RAP1B: variants seen among roughly 807,000 people sequenced by gnomAD.
The protein encoded by RAP1B is ras-related protein Rap-1b.
A neutral mutation model predicts 27.5 loss-of-function variants in RAP1B; 1 was observed. That is an observed-to-expected ratio of 0.04 (90% CI 0.01 to 0.17). The LOEUF (loss-of-function observed/expected upper bound fraction) is 0.17. Among genes scored for constraint, RAP1B ranks in the 10% least tolerant of loss-of-function variants. RAP1B has a pLI of 1.00. For synonymous variants in RAP1B, 75 were observed against 73.1 expected, an observed-to-expected ratio of 1.03 and a Z score of -0.13; for missense variants, 84 against 214.8, an observed-to-expected ratio of 0.39 and a Z score of 3.81.
intron 1 of RAP1B, among the ~76,000 whole-genome samples, chr12:68,622,201 C>T (rs566304379): frequency 2.0e-5 from 3 of 152,254 alleles, no homozygotes; most frequent in East Asian, 3.9e-4. Flanking sequence ...AAGGTCTTTT[C>T]GGGCTTTCAA....
In RAP1B at chr12:68,670,310, A is replaced by G. The variant is rs893180585; in HGVS notation, c.*11061A>G. On this transcript the variant is annotated 3_prime_UTR_variant, in exon 8 of 8. Transcript: ENST00000250559. ...ACTAACTATCTGTCTAAAGACAATAAAAGTTCAACCCCTATATCATGCAAA... is the reference window on the plus strand; with the variant it reads ...ACTAACTATCTGTCTAAAGACAATAGAAGTTCAACCCCTATATCATGCAAA... The G allele has an allele frequency of 1.3e-5, 2 of 152,206 alleles. No homozygotes were observed. Among genetic ancestry groups the G allele is most frequent in the Non-Finnish European group, 2.9e-5 (2 of 68,040 alleles). 9.4% of individuals were successfully genotyped at this position (152,206 alleles called of 1,614,324 possible).
intron 1 of RAP1B, among the ~76,000 whole-genome samples, chr12:68,623,302 A>G (rs1023434169): frequency 1.3e-5 from 2 of 152,192 alleles, no homozygotes; most frequent in African/African-American, 4.8e-5. Context: ...TAGTTAGAAA[A>G]GACAGTAAAA....
At position 68,666,261 on chromosome 12, in the gene RAP1B, T is replaced by A. The variant is rs559149491; in HGVS notation, c.*7012T>A. On this transcript the variant is annotated 3_prime_UTR_variant, in exon 8 of 8. Transcript: ENST00000250559. ...GTATTTTGGTGCTTTACCCAAAATA[T>A]TAGGGAGAAAATTCTTCTTTTTAAT... is the stretch of plus-strand genomic sequence containing the variant. 6.6e-6 allele frequency: 1 copy of A among 152,354 alleles called. No homozygotes were observed. The highest frequency in any genetic ancestry group is 1.9e-4 in the East Asian group (1 of 5,192). 9.4% of individuals were successfully genotyped at this position (152,354 alleles called of 1,614,324 possible). A position where few individuals can be genotyped will look rare whatever the true frequency, so the allele number is the denominator to read the frequency against.
intron 1 of RAP1B, among the ~76,000 whole-genome samples, chr12:68,639,203 A>T (rs1872826981): frequency 6.6e-6 from 1 of 152,144 alleles, no homozygotes; most frequent in Non-Finnish European, 1.5e-5. Context: ...ACTTGACCAC[A>T]GTCTATGTTA....
Position 68,669,935 on chromosome 12 carries a change from CTTTTTTTTTT to C in RAP1B, c.*10697_*10706del, listed in dbSNP as rs549794675. Reference sequence around the variant, plus strand: ...GACAAAAATATATTTCTTTTTCTTTCTTTTTTTTTTTTTTTTTTTTGAGACAGTTTCCCTC... The same window carrying C: ...GACAAAAATATATTTCTTTTTCTTTCTTTTTTTTTTGAGACAGTTTCCCTC... On this transcript the variant is annotated 3_prime_UTR_variant, in exon 8 of 8. Transcript: ENST00000250559. 3 of 105,394 alleles carry C rather than the reference CTTTTTTTTTT, an allele frequency of 2.8e-5. No individual in the cohort carries two copies. The highest frequency in any genetic ancestry group is 5.4e-5 in the Non-Finnish European group (3 of 55,700). The allele number at this position is 105,394 out of a possible 1,614,324, so 6.5% of individuals were successfully genotyped here.
chr12:68,657,745 C>A (rs1874310127), intron 7 of RAP1B: 1 of 144,634 alleles, frequency 6.9e-6, no homozygotes, highest in South Asian at 2.3e-4. Context: ...CACACACACA[C>A]ACACACACAC....
At chr12:68,646,566 G>A (rs532777058) in intron 1 of RAP1B, among the ~76,000 whole-genome samples, 7 of 152,168 alleles carry the variant, frequency 4.6e-5, no homozygotes, top group African/African-American at 7.2e-5. Flanking sequence ...AGGATTACAG[G>A]TGTGGGCCAC....
chr12:68,635,171 A>C (rs995210085), intron 1 of RAP1B, among the ~76,000 whole-genome samples: 1 of 152,138 alleles, frequency 6.6e-6, no homozygotes, highest in Non-Finnish European at 1.5e-5. Context: ...GTTCCTTGTT[A>C]GAAGTTTTAT....
At chr12:68,640,723 A>G (rs919163369) in intron 1 of RAP1B, among the ~76,000 whole-genome samples, 3 of 152,286 alleles carry the variant, frequency 2.0e-5, no homozygotes, top group South Asian at 4.1e-4. Context: ...TGGATCAGTA[A>G]TATCTACAGT....
In RAP1B at chr12:68,667,108, A is replaced by G. The variant is rs1272765999; in HGVS notation, c.*7859A>G. ...TGATGACAGAAACTTCCCCCCTTTT[A>G]CTTAGATCTAATAGTAATATAACAA... On this transcript the variant is annotated 3_prime_UTR_variant, in exon 8 of 8. Transcript: ENST00000250559. The G allele has an allele frequency of 6.6e-6, 1 of 152,120 alleles. No homozygotes were observed. The highest frequency in any genetic ancestry group is 1.5e-5 in the Non-Finnish European group (1 of 68,018). 9.4% of individuals were successfully genotyped at this position (152,120 alleles called of 1,614,324 possible).
At position 68,654,356 on chromosome 12, in the gene RAP1B, G is replaced by GA. The variant is rs201470977; in HGVS notation, c.324+104_324+105insA. On this transcript the variant is annotated intron_variant, in intron 5 of 7. Transcript: ENST00000250559. ...TAAAGCTTGTGTATTTTGGTTGGGG[G>GA]GGGGGTGTTGGTTTTTTTAAACTTT... 6.9e-4 allele frequency: 312 copies of GA among 453,052 alleles called. 56 individuals carry two copies. The highest frequency in any genetic ancestry group is 5.5e-3 in the South Asian group (121 of 22,188). The allele number at this position is 453,052 out of a possible 1,614,324, so 28.1% of individuals were successfully genotyped here.
rs540010921 is a variant in RAP1B at position 68,669,354 on chromosome 12, A to G, written c.*10105A>G. On this transcript the variant is annotated 3_prime_UTR_variant, in exon 8 of 8. Coordinates refer to ENST00000250559, the MANE Select transcript of RAP1B (RefSeq NM_001010942.3). ...TATAATGATTACAATTTAAATTTCA[A>G]CTGGCTGAGGCTTTGTTTTTGTTTT... is the stretch of plus-strand genomic sequence containing the variant. 1.1e-4 allele frequency: 16 copies of G among 152,174 alleles called. No individual in the cohort carries two copies. The highest frequency in any genetic ancestry group is 1.9e-4 in the Non-Finnish European group (13 of 68,024). 9.4% of individuals were successfully genotyped at this position (152,174 alleles called of 1,614,324 possible). A position where few individuals can be genotyped will look rare whatever the true frequency, so the allele number is the denominator to read the frequency against.
chr12:68,617,044 A>G (rs759284029), intron 1 of RAP1B, among the ~76,000 whole-genome samples: 1 of 152,202 alleles, frequency 6.6e-6, no homozygotes, highest in Non-Finnish European at 1.5e-5. Context: ...GGAAATGGAA[A>G]ATGCTGGGTA....
Position 68,611,694 on chromosome 12 carries a change from C to T in RAP1B, c.-27+651C>T, listed in dbSNP as rs1177916843. 2.0e-5 allele frequency among the ~76,000 whole-genome samples: 3 copies of T among 152,220 alleles called. No homozygotes were observed. The East Asian group carries it at 5.8e-4, about 30-fold the overall frequency. ...AGGAGGAAGGCAGCGGAGAGAGCCC[C>T]ACTTAGTCTGGCAGCAGCCACCGTG... On this transcript the variant is annotated intron_variant, in intron 1 of 7. Coordinates refer to ENST00000250559, the MANE Select transcript of RAP1B (RefSeq NM_001010942.3).
chr12:68,636,578 C>T (rs565791746), intron 1 of RAP1B, among the ~76,000 whole-genome samples: 1 of 152,320 alleles, frequency 6.6e-6, no homozygotes, highest in East Asian at 1.9e-4. Flanking sequence ...TAGGCATGTA[C>T]CACCACACCC....
intron 1 of RAP1B, chr12:68,624,866 G>A (rs1336126536): frequency 6.6e-6 from 1 of 152,218 alleles, no homozygotes; most frequent in Admixed American, 6.5e-5. Flanking sequence ...ATAGTGACAA[G>A]GATTGAAGTA....
In RAP1B at chr12:68,665,822, G is replaced by C. The variant is rs1056256504; in HGVS notation, c.*6573G>C. ...AAAGTCTGTTTCAGAGTCAGTATTG[G>C]CAAACTTATATTTAAATTCAGCTGT... is the stretch of plus-strand genomic sequence containing the variant. On this transcript the variant is annotated 3_prime_UTR_variant, in exon 8 of 8. Coordinates refer to ENST00000250559, the MANE Select transcript of RAP1B (RefSeq NM_001010942.3). The C allele has an allele frequency of 6.6e-6, 1 of 151,750 alleles. No homozygotes were observed. The highest frequency in any genetic ancestry group is 2.4e-5 in the African/African-American group (1 of 41,258). 9.4% of individuals were successfully genotyped at this position (151,750 alleles called of 1,614,324 possible). A position where few individuals can be genotyped will look rare whatever the true frequency, so the allele number is the denominator to read the frequency against.
Position 68,656,625 on chromosome 12 carries a change from A to G in RAP1B, c.468+176A>G, listed in dbSNP as rs985621331. 7 of 640,026 alleles carry G rather than the reference A, an allele frequency of 1.1e-5. No homozygotes were observed. The African/African-American group carries it at 1.1e-4, about 10-fold the overall frequency. The allele number at this position is 640,026 out of a possible 1,614,324, so 39.6% of individuals were successfully genotyped here. A position where few individuals can be genotyped will look rare whatever the true frequency, so the allele number is the denominator to read the frequency against. ...TGTAGTAAATAAACAATACTATTTC[A>G]GTCTCTATTAAATACTTGTACATTG... On this transcript the variant is annotated intron_variant, in intron 6 of 7. Transcript: ENST00000250559.
chr12:68,644,513 G>A (rs989478708), intron 1 of RAP1B, among the ~76,000 whole-genome samples: 13 of 151,474 alleles, frequency 8.6e-5, no homozygotes, highest in Non-Finnish European at 1.6e-4. Context: ...GAACCTGGGA[G>A]GCGGAGGTTG....
Sources: allele counts gnomAD v4.1 joint callset (sites outside exome capture counted in the v4.1 genomes callset), GRCh38; gene constraint gnomAD v4.1.1; transcripts MANE v1.5; gene names NCBI Gene and HGNC (gene_info 2026-07-23, HGNC 2026-07-21).